SP140L: variants seen among roughly 807,000 people sequenced by gnomAD.
The protein encoded by SP140L is SP140 like nuclear body protein.
Under a neutral mutation model 84.3 loss-of-function variants are expected in SP140L, and 64 were observed. That is an observed-to-expected ratio of 0.76 (90% CI 0.62 to 0.94). The LOEUF is 0.94. Among genes scored for constraint, SP140L ranks in the 40% least tolerant of loss-of-function variants. SP140L has a pLI of 0.00. For synonymous variants in SP140L, 242 were observed against 236.9 expected (o/e 1.02, Z -0.20); for missense variants, 628 against 692.5 (o/e 0.91, Z 1.05).
At chr2:230,356,624 C>T (rs2060557341) in intron 2 of SP140L, among the ~76,000 whole-genome samples, 1 of 152,218 alleles carries the variant, frequency 6.6e-6, no homozygotes, top group South Asian at 2.1e-4. Flanking sequence ...GCAGTATATG[C>T]ATTGCTCTGT....
At position 230,371,629 on chromosome 2, in the gene SP140L, G is replaced by A. The variant is rs1415332578; in HGVS notation, c.615G>A (p.Leu205=). ...DTVDIANNST[L]GKPKRKRRKK... Reference sequence around the variant, plus strand: ...TGGATATTGCAAACAACTCTACTTTGGGAAAACCCAAGAGGAAAAGAAGTA... The same window carrying A: ...TGGATATTGCAAACAACTCTACTTTAGGAAAACCCAAGAGGAAAAGAAGTA... The change falls in exon 7 of 19, where the codon TTG becomes TTA. Residue 205 remains leucine (L), a synonymous_variant. Coordinates refer to ENST00000415673, the MANE Select transcript of SP140L (RefSeq NM_138402.6). The A allele has an allele frequency of 6.2e-7, 1 of 1,606,976 alleles. No individual in the cohort carries two copies. The highest frequency in any genetic ancestry group is 8.5e-7 in the Non-Finnish European group (1 of 1,175,116).
intron 1 of SP140L, among the ~76,000 whole-genome samples, 160 bp from the exon 2 acceptor site, chr2:230,328,597 T>C (rs2059642783): frequency 6.6e-6 from 1 of 152,360 alleles, no homozygotes; most frequent in Admixed American, 6.5e-5. Context: ...TTTTAAATTG[T>C]TCACGTTTAT....
At chr2:230,401,146 C>G in intron 16 of SP140L, 83 bp downstream of exon 16, 1 of 660,244 alleles carries the variant, frequency 1.5e-6, no homozygotes, top group Non-Finnish European at 2.5e-6. Flanking sequence ...GGGGAATGTA[C>G]TGAAAGGAGC....
intron 2 of SP140L, among the ~76,000 whole-genome samples, chr2:230,334,804 A>G (rs561024083): frequency 7.9e-5 from 12 of 152,008 alleles, no homozygotes; most frequent in Non-Finnish European, 1.2e-4. Context: ...ATGATTTGAA[A>G]CCAATGTCTG....
intron 7 of SP140L, chr2:230,371,911 C>A (rs1417508817): frequency 9.4e-6 from 4 of 424,780 alleles, no homozygotes; most frequent in Non-Finnish European, 1.7e-5. Context: ...GTGGTGGGCC[C>A]AATCTAATCT....
chr2:230,353,125 A>G lies in SP140L; in HGVS notation c.108-4680A>G, dbSNP rs538213695. Among the ~76,000 whole-genome samples the G allele has an allele frequency of 2.0e-5, 3 of 152,154 alleles. No homozygotes were observed. The South Asian group carries it at 6.2e-4, about 32-fold the overall frequency. ...TTACAGAGAGATTTTATAATGTTGA[A>G]CTATTTTTTCTCTTATTCAATCTCA... On this transcript the variant is annotated intron_variant, in intron 2 of 18. Coordinates refer to ENST00000415673, the MANE Select transcript of SP140L (RefSeq NM_138402.6).
chr2:230,349,020 A>C (rs1049195989), intron 2 of SP140L, among the ~76,000 whole-genome samples: 1 of 152,228 alleles, frequency 6.6e-6, no homozygotes, highest in Non-Finnish European at 1.5e-5. Flanking sequence ...CTGCTCTTAC[A>C]TTTAGATCCA....
chr2:230,371,006 T>G, intron 6 of SP140L, 39 bp downstream of exon 6: 1 of 1,584,862 alleles, frequency 6.3e-7, no homozygotes, highest in Non-Finnish European at 8.7e-7. Flanking sequence ...GGTGGCTCAG[T>G]GGGCCCCACA....
intron 5 of SP140L, among the ~76,000 whole-genome samples, chr2:230,369,543 C>T (rs2060988374): frequency 6.6e-6 from 1 of 152,152 alleles, no homozygotes; most frequent in Non-Finnish European, 1.5e-5. Context: ...TTTTAGGAAA[C>T]ATAGTTCAGG....
intron 2 of SP140L, among the ~76,000 whole-genome samples, chr2:230,354,894 A>AAAGAAAGG (rs1221299840): frequency 3.3e-4 from 49 of 148,684 alleles, no homozygotes; most frequent in Non-Finnish European, 6.1e-4. Flanking sequence ...AGAAAGAAAG[A>AAAGAAAGG]AAGGAAAGAG....
intron 2 of SP140L, among the ~76,000 whole-genome samples, chr2:230,335,802 C>T (rs182699833): frequency 2.0e-5 from 3 of 152,220 alleles, no homozygotes; most frequent in African/African-American, 4.8e-5. Context: ...TGGGGCAAGC[C>T]TTGTTTCTTC....
chr2:230,376,675 C>A (rs1375166046), intron 7 of SP140L, among the ~76,000 whole-genome samples: 9 of 152,060 alleles, frequency 5.9e-5, no homozygotes, highest in Admixed American at 5.9e-4. Flanking sequence ...TCAATGAAAT[C>A]TCTATCAAAA....
At chr2:230,345,666 T>C (rs2060187557) in intron 2 of SP140L, among the ~76,000 whole-genome samples, 1 of 152,012 alleles carries the variant, frequency 6.6e-6, no homozygotes, top group Non-Finnish European at 1.5e-5. Context: ...GACTCCTTTC[T>C]CCTTTGTGGT....
chr2:230,387,094 T>C (rs2061614906), intron 9 of SP140L, among the ~76,000 whole-genome samples: 1 of 152,174 alleles, frequency 6.6e-6, no homozygotes, highest in Admixed American at 6.5e-5. Context: ...GCCACACCTG[T>C]GTGGCTGATG....
intron 4 of SP140L, among the ~76,000 whole-genome samples, 171 bp from the exon 5 acceptor site, chr2:230,361,443 T>G (rs888427301): frequency 6.6e-6 from 1 of 152,130 alleles, no homozygotes; most frequent in Non-Finnish European, 1.5e-5. Flanking sequence ...GTAGGACACA[T>G]AAAAGCTCAT....
Position 230,361,607 on chromosome 2 carries a change from T to C in SP140L, c.440-7T>C. On this transcript the variant is annotated splice_polypyrimidine_tract_variant and splice_region_variant and intron_variant, in intron 4 of 18. Coordinates refer to ENST00000415673, the MANE Select transcript of SP140L (RefSeq NM_138402.6). Reference sequence around the variant, plus strand: ...TTAATTGCTTTCTTCTCTCTCCCACTCTTCAGCAATCCAAGACAAATTGTC... The same window carrying C: ...TTAATTGCTTTCTTCTCTCTCCCACCCTTCAGCAATCCAAGACAAATTGTC... The C allele has an allele frequency of 6.4e-7, 1 of 1,555,230 alleles. No individual in the cohort carries two copies. Among genetic ancestry groups the C allele is most frequent in the Non-Finnish European group, 8.7e-7 (1 of 1,148,146 alleles).
chr2:230,372,825 A>G (rs2061129546), intron 7 of SP140L: 1 of 152,166 alleles, frequency 6.6e-6, no homozygotes, highest in Non-Finnish European at 1.5e-5. Flanking sequence ...TCAAAAGTTG[A>G]CATAGGCTGA....
intron 7 of SP140L, among the ~76,000 whole-genome samples, chr2:230,378,661 C>G (rs547969181): frequency 6.6e-6 from 1 of 152,316 alleles, no homozygotes; most frequent in East Asian, 1.9e-4. Context: ...TATGAATTGA[C>G]TTCGCCAATT....
intron 5 of SP140L, among the ~76,000 whole-genome samples, chr2:230,370,687 ACAAAAGAG>A (rs1272914281): frequency 6.8e-6 from 1 of 146,828 alleles, no homozygotes; most frequent in African/African-American, 2.7e-5. Context: ...TGAAAAAAAG[ACAAAAGAG>A]GACAAAAAGG....
Sources: allele counts gnomAD v4.1 joint callset (sites outside exome capture counted in the v4.1 genomes callset), GRCh38; gene constraint gnomAD v4.1.1; transcripts MANE v1.5; gene names NCBI Gene and HGNC (gene_info 2026-07-23, HGNC 2026-07-21).